Variants in AUTS2 observed in about 807,000 individuals in gnomAD.
AUTS2 encodes activator of transcription and developmental regulator AUTS2.
AUTS2 carries 17 observed loss-of-function variants against 112.4 expected under a neutral mutation model. That is an observed-to-expected ratio of 0.15 (90% CI 0.10 to 0.23). The LOEUF is 0.23. Ranked by LOEUF, AUTS2 falls within the 10% of genes least tolerant of loss-of-function variation. The pLI is 1.00. For missense variants in AUTS2, 1,510 were observed against 1,701.6 expected, an observed-to-expected ratio of 0.89 and a Z score of 1.98; for synonymous variants, 751 against 702.7, an observed-to-expected ratio of 1.07 and a Z score of -1.09.
At chr7:70,536,353 A>T (rs998353006) in intron 5 of AUTS2, among the ~76,000 whole-genome samples, 1 of 152,124 alleles carries the variant, frequency 6.6e-6, no homozygotes, top group Non-Finnish European at 1.5e-5. Context: ...CACAAAATGA[A>T]AGTCAGTATT....
At chr7:70,656,043 A>T (rs1004190907) in intron 5 of AUTS2, among the ~76,000 whole-genome samples, 1 of 151,996 alleles carries the variant, frequency 6.6e-6, no homozygotes, top group Admixed American at 6.6e-5. Flanking sequence ...TGTGTTATCC[A>T]CCCAGCCAAG....
At chr7:69,797,829 A>G (rs1789914717) in intron 1 of AUTS2, among the ~76,000 whole-genome samples, 1 of 152,200 alleles carries the variant, frequency 6.6e-6, no homozygotes, top group Non-Finnish European at 1.5e-5. Context: ...AACATAAATC[A>G]TATTTGAGAA....
intron 4 of AUTS2, among the ~76,000 whole-genome samples, chr7:70,353,161 C>T (rs1301946316): frequency 2.0e-5 from 3 of 152,154 alleles, no homozygotes; most frequent in Non-Finnish European, 4.4e-5. Context: ...GAGGCGGTTC[C>T]ACCATAGCCA....
Position 70,137,736 on chromosome 7 carries a change from C to G in AUTS2, c.660+3165C>G, listed in dbSNP as rs544198635. 2.0e-5 allele frequency among the ~76,000 whole-genome samples: 3 copies of G among 152,270 alleles called. 1 individual carries two copies. In the South Asian group the frequency reaches 6.2e-4, roughly 32 times the overall value. On this transcript the variant is annotated intron_variant, in intron 4 of 18. Coordinates refer to ENST00000342771, the MANE Select transcript of AUTS2 (RefSeq NM_015570.4). ...ATATTTTAATGAACACAGAATATCA[C>G]TCTATACTACCAAATAATAAGTACT...
intron 1 of AUTS2, among the ~76,000 whole-genome samples, chr7:69,789,084 C>T (rs1789503409): frequency 6.6e-6 from 1 of 152,140 alleles, no homozygotes. Flanking sequence ...AACAAGTTTT[C>T]AAGCAGATGC....
At chr7:70,109,203 T>C (rs1054756676) in intron 2 of AUTS2, among the ~76,000 whole-genome samples, 1 of 152,244 alleles carries the variant, frequency 6.6e-6, no homozygotes, top group Non-Finnish European at 1.5e-5. Context: ...TTTGTGTGTT[T>C]ATTTTTTATA....
At chr7:70,196,678 A>G (rs571097320) in intron 4 of AUTS2, among the ~76,000 whole-genome samples, 1 of 152,326 alleles carries the variant, frequency 6.6e-6, no homozygotes, top group South Asian at 2.1e-4. Context: ...ATTCCTGGAT[A>G]TTTTCATTTC....
chr7:70,256,639 C>G (rs1786887958), intron 4 of AUTS2, among the ~76,000 whole-genome samples: 3 of 152,166 alleles, frequency 2.0e-5, no homozygotes, highest in African/African-American at 7.2e-5. Context: ...CGTGGCTGAC[C>G]ACAGCTTTGT....
chr7:70,110,894 G>A (rs1454842771), intron 2 of AUTS2, among the ~76,000 whole-genome samples: 3 of 109,832 alleles, frequency 2.7e-5, no homozygotes, highest in Non-Finnish European at 5.0e-5. Flanking sequence ...TGAGAGTCTC[G>A]CTCTGTCGCC....
chr7:70,572,491 G>A (rs542427045), intron 5 of AUTS2, among the ~76,000 whole-genome samples: 2 of 136,760 alleles, frequency 1.5e-5, no homozygotes, highest in Non-Finnish European at 3.1e-5. Flanking sequence ...AAAAGGGGGG[G>A]CGAGAGTGAA....
In AUTS2 at chr7:70,790,582, C is replaced by G. The variant is rs748120181; in HGVS notation, c.3366C>G (p.His1122Gln). The G allele has an allele frequency of 6.2e-7, 1 of 1,602,268 alleles. No homozygotes were observed. Among genetic ancestry groups the G allele is most frequent in the South Asian group, 1.1e-5 (1 of 89,732 alleles). ...ADRSFRDREP[H>Q]DYSHHHHHHH... ...GCTCCTTCAGGGACCGGGAGCCTCA[C>G]GACTACAGCCACCACCACCACCACC... is the stretch of plus-strand genomic sequence containing the variant. The change falls in exon 19 of 19, where the codon CAC becomes CAG. Residue 1122 changes from histidine to glutamine, a missense_variant. By Grantham distance (24) the His-to-Gln change is conservative. Around this residue, in one of 3 missense-constraint regions of AUTS2, gnomAD observed 788 missense variants for 797.6 expected, o/e 0.99. Transcript: ENST00000342771. The surrounding 1 kb of genome is among the most constrained non-coding windows in gnomAD (Gnocchi z 7.6).
chr7:69,920,081 G>T (rs1795748310), intron 2 of AUTS2, among the ~76,000 whole-genome samples: 1 of 148,528 alleles, frequency 6.7e-6, no homozygotes, highest in South Asian at 2.1e-4. Flanking sequence ...GGTGGGCGGG[G>T]GTGGGCATGC....
intron 2 of AUTS2, among the ~76,000 whole-genome samples, chr7:69,945,802 C>G (rs1796787364): frequency 6.6e-6 from 1 of 152,090 alleles, no homozygotes; most frequent in South Asian, 2.1e-4. Flanking sequence ...TGTCCTTGCC[C>G]TTGGCAACCA....
intron 1 of AUTS2, among the ~76,000 whole-genome samples, chr7:69,766,636 G>C (rs960186976): frequency 2.6e-5 from 4 of 152,192 alleles, no homozygotes; most frequent in African/African-American, 9.6e-5. Flanking sequence ...TTCTCAGTCA[G>C]TCACCTGCTC....
intron 4 of AUTS2, among the ~76,000 whole-genome samples, chr7:70,434,930 C>A (rs1795827816): frequency 6.6e-6 from 1 of 152,178 alleles, no homozygotes; most frequent in Admixed American, 6.5e-5. Context: ...CAAAACACTT[C>A]ATTTTTTTTA....
At chr7:69,918,132 T>C (rs974966309) in intron 2 of AUTS2, among the ~76,000 whole-genome samples, 2 of 152,240 alleles carry the variant, frequency 1.3e-5, no homozygotes, top group African/African-American at 4.8e-5. Flanking sequence ...TGAGCCACCA[T>C]GCCCAGCCCC....
chr7:70,509,354 G>A (rs1799093240), intron 5 of AUTS2, among the ~76,000 whole-genome samples: 1 of 152,204 alleles, frequency 6.6e-6, no homozygotes, highest in Non-Finnish European at 1.5e-5. Context: ...GACTATGAGA[G>A]ATTATAAGGT....
At chr7:69,832,512 C>G (rs1296971303) in intron 1 of AUTS2, among the ~76,000 whole-genome samples, 1 of 152,166 alleles carries the variant, frequency 6.6e-6, no homozygotes, top group Non-Finnish European at 1.5e-5. Flanking sequence ...TACAGACTCC[C>G]CTGCTTCTCT....
intron 2 of AUTS2, among the ~76,000 whole-genome samples, chr7:69,906,582 T>G (rs576559392): frequency 7.5e-4 from 115 of 152,372 alleles, no homozygotes; most frequent in Non-Finnish European, 1.4e-3. Context: ...ACTGCTTTCA[T>G]TACTGCCTTT....
Sources: gnomAD v4.1 joint callset for allele counts (sites outside exome capture counted in the v4.1 genomes callset) on GRCh38, gnomAD v4.1.1 for gene constraint, gnomAD v4.1.1 regional missense constraint, Gnocchi (gnomAD v3.1) non-coding constraint, MANE v1.5 for transcripts, NCBI Gene and HGNC (gene_info 2026-07-23, HGNC 2026-07-21) for gene names.